Variants in SPAM1 observed in about 807,000 individuals in gnomAD.
SPAM1 encodes sperm adhesion molecule 1.
Under a neutral mutation model 29.6 loss-of-function variants are expected in SPAM1, and 22 were observed. The observed-to-expected ratio is 0.74, with a 90% confidence interval of 0.53 to 1.06. The LOEUF is 1.06. SPAM1 is among the 50% of genes least tolerant of loss of function. SPAM1 has a pLI of 0.00. For missense variants in SPAM1, 534 were observed against 604.0 expected, an observed-to-expected ratio of 0.88 and a Z score of 1.21; for synonymous variants, 194 against 204.6, an observed-to-expected ratio of 0.95 and a Z score of 0.44.
intron 1 of SPAM1, among the ~76,000 whole-genome samples, chr7:123,940,016 A>G (rs965753645): frequency 7.9e-5 from 12 of 151,864 alleles, no homozygotes; most frequent in African/African-American, 2.9e-4. Flanking sequence ...GCCCAGTATT[A>G]TACTGAGGTT....
intron 1 of SPAM1, among the ~76,000 whole-genome samples, chr7:123,937,596 C>CA (rs5887154): frequency 0.3 from 26,129 of 85,746 alleles, 3,938 homozygotes; most frequent in Non-Finnish European, 0.33. Flanking sequence ...GACTCCATCT[C>CA]AAAAAAAAAA....
intron 3 of SPAM1, 124 bp downstream of exon 3, chr7:123,954,648 G>A: frequency 3.1e-6 from 2 of 651,368 alleles, no homozygotes; most frequent in East Asian, 2.7e-5. Context: ...GTGTACACAA[G>A]TAGATCAACA....
In SPAM1 at chr7:123,959,958, G is replaced by A; in HGVS notation, c.1519G>A (p.Ala507Thr). The stretch of plus-strand genomic sequence containing the variant: ...TTTGTTTCTTATCATTTCTTCTGTA[G>A]CGAGTTTGTAATTGCGCAGGTTAGC... Reference protein sequence around the residue: ...SILFLIISSVASL With the variant: ...SILFLIISSVTSL Residue 507 changes from alanine to threonine, a missense_variant, in exon 5 of 5, where the codon GCG (alanine) becomes ACG (threonine). Physicochemically the swap from Ala to Thr is moderately conservative, Grantham distance 58. Transcript: ENST00000682466. 1.2e-6 allele frequency: 2 copies of A among 1,606,554 alleles called. No homozygotes were observed. Among genetic ancestry groups the A allele is most frequent in the Non-Finnish European group, 1.7e-6 (2 of 1,177,342 alleles).
chr7:123,954,337 G>A lies in SPAM1; in HGVS notation c.767G>A (p.Ser256Asn), dbSNP rs1290394363. The A allele has an allele frequency of 1.2e-6, 2 of 1,613,248 alleles. No homozygotes were observed. The highest frequency in any genetic ancestry group is 2.2e-5 in the South Asian group (2 of 91,006). The change falls in exon 3 of 5, where the codon AGC (serine) becomes AAC (asparagine). Residue 256 changes from serine (S) to asparagine (N), a missense_variant. Coordinates refer to ENST00000682466, the MANE Select transcript of SPAM1 (RefSeq NM_153189.3). ...GATCTCAGCTGGTTGTGGAATGAAA[G>A]CACTGCTCTTTACCCATCCATTTAT... ...NDDLSWLWNE[S>N]TALYPSIYLN... is the part of the protein sequence containing the mutation.
intron 2 of SPAM1, among the ~76,000 whole-genome samples, chr7:123,952,630 C>T (rs929440317): frequency 1.3e-5 from 2 of 152,054 alleles, no homozygotes; most frequent in Admixed American, 1.3e-4. Flanking sequence ...ACAACACAAT[C>T]TTACTTATCA....
rs1792162729 is a variant in SPAM1, at chr7:123,953,464, G to T, written c.-107G>T. The T allele has an allele frequency of 6.7e-6, 4 of 598,102 alleles. No homozygotes were observed. The highest frequency in any genetic ancestry group is 1.2e-5 in the Non-Finnish European group (4 of 344,234). The allele number at this position is 598,102 out of a possible 1,614,324, so 37.0% of individuals were successfully genotyped here. The stretch of plus-strand genomic sequence containing the variant: ...ATTATACCTCTTTATCCATCAAAGT[G>T]AATTCATTCCATTCCCTTTCATCTG... On this transcript the variant is annotated 5_prime_UTR_variant, in exon 3 of 5. Coordinates refer to ENST00000682466, the MANE Select transcript of SPAM1 (RefSeq NM_153189.3).
At chr7:123,944,876 C>T (rs971693179) in intron 1 of SPAM1, among the ~76,000 whole-genome samples, 3 of 152,006 alleles carry the variant, frequency 2.0e-5, no homozygotes, top group South Asian at 2.1e-4. Flanking sequence ...TTATAAAGTC[C>T]TGTAATTTTA....
intron 1 of SPAM1, among the ~76,000 whole-genome samples, chr7:123,944,898 G>A (rs1190210180): frequency 1.3e-5 from 2 of 152,060 alleles, no homozygotes; most frequent in Non-Finnish European, 2.9e-5. Context: ...TAAGAGTAAA[G>A]CAATACCTTA....
chr7:123,966,444 C>T (rs1792425546), intron 5 of SPAM1, among the ~76,000 whole-genome samples: 1 of 152,032 alleles, frequency 6.6e-6, no homozygotes, highest in African/African-American at 2.4e-5. Flanking sequence ...GAATATAAAT[C>T]ATTCTATTAT....
chr7:123,938,762 C>T (rs1245865962), intron 1 of SPAM1, among the ~76,000 whole-genome samples: 1 of 152,132 alleles, frequency 6.6e-6, no homozygotes, highest in East Asian at 1.9e-4. Context: ...TAATTGCAAA[C>T]CCATAGCCCT....
At chr7:123,964,143 A>T (rs1362212578), downstream of SPAM1, among the ~76,000 whole-genome samples, 1 of 151,900 alleles carries the variant, frequency 6.6e-6, no homozygotes, top group Non-Finnish European at 1.5e-5. Context: ...TTTTAAAAAT[A>T]CTATATTAGA....
At chr7:123,951,597 C>A (rs1367225316) in intron 2 of SPAM1, among the ~76,000 whole-genome samples, 3 of 151,982 alleles carry the variant, frequency 2.0e-5, no homozygotes, top group Non-Finnish European at 4.4e-5. Context: ...TCAATAGGCT[C>A]ATTCTGCCCC....
At chr7:123,934,438 C>G (rs1054157918) in intron 1 of SPAM1, among the ~76,000 whole-genome samples, 2 of 151,828 alleles carry the variant, frequency 1.3e-5, no homozygotes, top group Admixed American at 6.6e-5. Context: ...GGAGTTTCCT[C>G]GAAAAACTAA....
intron 2 of SPAM1, 113 bp downstream of exon 2, chr7:123,950,096 G>C (rs1023977949): frequency 6.6e-6 from 1 of 152,000 alleles, no homozygotes; most frequent in African/African-American, 2.4e-5. Flanking sequence ...ACTTTAATAG[G>C]TGTAAATTGA....
chr7:123,945,224 C>T (rs1193225624), intron 1 of SPAM1, among the ~76,000 whole-genome samples: 3 of 151,924 alleles, frequency 2.0e-5, no homozygotes, highest in African/African-American at 4.8e-5. Flanking sequence ...TTACTCTTAC[C>T]TTGTTTTATA....
chr7:123,967,544 G>A (rs1028701688), intron 5 of SPAM1, among the ~76,000 whole-genome samples: 2 of 151,858 alleles, frequency 1.3e-5, no homozygotes, highest in Non-Finnish European at 2.9e-5. Context: ...ATTTTAAAAA[G>A]TAGACTCCAA....
intron 1 of SPAM1, among the ~76,000 whole-genome samples, chr7:123,948,627 C>T (rs1479810209): frequency 1.3e-5 from 2 of 152,032 alleles, no homozygotes; most frequent in African/African-American, 2.4e-5. Context: ...GGTCCTCCCC[C>T]TTTGGTAATG....
At chr7:123,929,417 C>G (rs1309365330) in intron 1 of SPAM1, among the ~76,000 whole-genome samples, 2 of 152,058 alleles carry the variant, frequency 1.3e-5, no homozygotes, top group Non-Finnish European at 2.9e-5. Context: ...TCTGGCTTGT[C>G]TGGTAACTAC....
At chr7:123,964,541 G>GT (rs1792398711), downstream of SPAM1, among the ~76,000 whole-genome samples, 1 of 151,772 alleles carries the variant, frequency 6.6e-6, no homozygotes, top group Admixed American at 6.6e-5. Context: ...AAGAGACAAG[G>GT]TATCTTGCCA....
Sources: allele counts gnomAD v4.1 joint callset (sites outside exome capture counted in the v4.1 genomes callset), GRCh38; gene constraint gnomAD v4.1.1; transcripts MANE v1.5; gene names NCBI Gene and HGNC (gene_info 2026-07-23, HGNC 2026-07-21).